Variants in IRAK1BP1 observed in about 807,000 individuals in gnomAD.
The protein encoded by IRAK1BP1 is interleukin-1 receptor-associated kinase 1-binding protein 1.
Under a neutral mutation model 28.0 loss-of-function variants are expected in IRAK1BP1, and 24 were observed. The observed-to-expected ratio is 0.86, with a 90% CI of 0.62 to 1.20. The LOEUF (loss-of-function observed/expected upper bound fraction) is 1.20. Among genes scored for constraint, IRAK1BP1 ranks in the 50% most tolerant of loss-of-function variants. The probability of loss-of-function intolerance (pLI) is 0.00; values close to 1 mark genes in which losing one functional copy is unlikely to be tolerated. For synonymous variants in IRAK1BP1, 131 were observed against 116.3 expected (o/e 1.13, Z -0.81); for missense variants, 336 against 316.7 (o/e 1.06, Z -0.46).
the IRAK1BP1 span, among the ~76,000 whole-genome samples, chr6:78,974,531 C>A: frequency 6.6e-6 from 1 of 151,624 alleles, no homozygotes; most frequent in African/African-American, 2.4e-5. Flanking sequence ...AAGATCAGAG[C>A]AGAACTGAAG....
intron 4 of IRAK1BP1, among the ~76,000 whole-genome samples, chr6:78,916,598 T>G (rs1402594247): frequency 6.6e-6 from 1 of 152,230 alleles, no homozygotes; most frequent in Non-Finnish European, 1.5e-5. Context: ...TAACACCTAG[T>G]GTTTAATTCG....
chr6:78,913,334 C>CA (rs149003513), intron 4 of IRAK1BP1, among the ~76,000 whole-genome samples: 3,970 of 140,260 alleles, frequency 0.028, 77 homozygotes, highest in South Asian at 0.1. Flanking sequence ...GACTCTGTTT[C>CA]AAAAAAAAAA....
the IRAK1BP1 span, chr6:78,955,475 C>A: frequency 3.6e-6 from 2 of 548,020 alleles, no homozygotes; most frequent in South Asian, 6.3e-5. Context: ...TATTCTACTG[C>A]CAGTTGTTTT....
intron 1 of IRAK1BP1, chr6:78,872,262 T>C (rs117907164): frequency 1.9e-4 from 93 of 501,944 alleles, no homozygotes; most frequent in Non-Finnish European, 5.3e-5. Flanking sequence ...CATCCCACTC[T>C]GTTAATGGTG....
chr6:78,973,109 G>GTTA, the IRAK1BP1 span, among the ~76,000 whole-genome samples: 1 of 152,110 alleles, frequency 6.6e-6, no homozygotes, highest in African/African-American at 2.4e-5. Context: ...AGGAAAAAAT[G>GTTA]TTAAGGGCAG....
intron 4 of IRAK1BP1, among the ~76,000 whole-genome samples, chr6:78,944,017 A>T (rs1773663884): frequency 6.9e-6 from 1 of 145,322 alleles, no homozygotes; most frequent in Admixed American, 7.0e-5. Context: ...AAAAAAAGGA[A>T]GTGCTTGATT....
At chr6:78,887,655 G>A (rs1771477934) in intron 2 of IRAK1BP1, among the ~76,000 whole-genome samples, 1 of 152,036 alleles carries the variant, frequency 6.6e-6, no homozygotes, top group Non-Finnish European at 1.5e-5. Context: ...GACAGAGCAA[G>A]ACTCCATCTC....
the IRAK1BP1 span, chr6:78,965,846 GCTT>G: frequency 2.6e-6 from 3 of 1,172,320 alleles, no homozygotes; most frequent in Non-Finnish European, 3.8e-6. Context: ...CAAAATAATT[GCTT>G]CTGTGTTTAA....
In IRAK1BP1 at chr6:78,901,238, ATGT is replaced by A. The variant is rs1285165888; in HGVS notation, c.*2908_*2910del. 7 of 151,984 alleles carry A rather than the reference ATGT, an allele frequency of 4.6e-5. No individual in the cohort carries two copies. The highest frequency in any genetic ancestry group is 1.9e-4 in the East Asian group (1 of 5,178). The allele number at this position is 151,984 out of a possible 1,614,324, so 9.4% of individuals were successfully genotyped here. A position where few individuals can be genotyped will look rare whatever the true frequency, so the allele number is the denominator to read the frequency against. On this transcript the variant is annotated 3_prime_UTR_variant, in exon 4 of 4. Transcript: ENST00000369940. The stretch of plus-strand genomic sequence containing the variant: ...TTAGAATTTCCAGGAACTTTTAAAG[ATGT>A]TGTCTCCAAAAAAAACAAAAAAATC...
At chr6:78,966,475 C>CA in the IRAK1BP1 span, among the ~76,000 whole-genome samples, 3 of 152,138 alleles carry the variant, frequency 2.0e-5, no homozygotes, top group African/African-American at 7.2e-5. Flanking sequence ...AACCAACAAT[C>CA]AATCAAGACT....
chr6:78,867,760 T>A lies in IRAK1BP1; in HGVS notation c.184T>A (p.Ser62Thr), dbSNP rs746414402. Reference sequence around the variant, plus strand: ...GCAAGTAAGCGGCACCTCAGAAGTGTCTGCGGGCCCTGACCGGGCGCAGGT... The same window carrying A: ...GCAAGTAAGCGGCACCTCAGAAGTGACTGCGGGCCCTGACCGGGCGCAGGT... ...EVQVSGTSEV[S>T]AGPDRAQVVV... Residue 62 changes from serine to threonine, a missense_variant, in exon 1 of 4, where the codon TCT becomes ACT. Coordinates refer to ENST00000369940, the MANE Select transcript of IRAK1BP1 (RefSeq NM_001010844.4). The A allele has an allele frequency of 2.4e-5, 38 of 1,614,142 alleles. No homozygotes were observed. Among genetic ancestry groups the A allele is most frequent in the Non-Finnish European group, 3.2e-5 (38 of 1,180,014 alleles).
intron 1 of IRAK1BP1, among the ~76,000 whole-genome samples, chr6:78,881,636 TA>T (rs771523949): frequency 1.2e-4 from 18 of 152,276 alleles, no homozygotes; most frequent in Non-Finnish European, 2.5e-4. Flanking sequence ...CTTAAGGTGA[TA>T]GGGGCAGGGA....
intron 2 of IRAK1BP1, among the ~76,000 whole-genome samples, chr6:78,886,533 A>G (rs1729756003): frequency 6.6e-6 from 1 of 152,190 alleles, no homozygotes; most frequent in African/African-American, 2.4e-5. Context: ...TATCCAAATT[A>G]CAGAGATTAA....
At chr6:78,942,285 C>T (rs941917340) in intron 4 of IRAK1BP1, among the ~76,000 whole-genome samples, 8 of 152,150 alleles carry the variant, frequency 5.3e-5, no homozygotes, top group African/African-American at 1.9e-4. Flanking sequence ...GAGTTCGAGA[C>T]CAGCCTGGCC....
intron 4 of IRAK1BP1, among the ~76,000 whole-genome samples, chr6:78,910,993 C>T (rs1263017455): frequency 6.6e-6 from 1 of 152,220 alleles, no homozygotes; most frequent in Non-Finnish European, 1.5e-5. Flanking sequence ...TTATCTTGTG[C>T]GGTGACGCCC....
At chr6:78,906,095 T>C (rs1772254424), downstream of IRAK1BP1, among the ~76,000 whole-genome samples, 1 of 152,188 alleles carries the variant, frequency 6.6e-6, no homozygotes, top group African/African-American at 2.4e-5. Flanking sequence ...AAATTTAAAA[T>C]TGACTAACAT....
At chr6:78,876,573 A>G (rs188959464) in intron 1 of IRAK1BP1, among the ~76,000 whole-genome samples, 1 of 152,280 alleles carries the variant, frequency 6.6e-6, no homozygotes, top group Non-Finnish European at 1.5e-5. Flanking sequence ...GGCAGTATTA[A>G]CATTATGGAT....
chr6:78,929,709 CT>C (rs994400597), intron 4 of IRAK1BP1, among the ~76,000 whole-genome samples: 2 of 152,024 alleles, frequency 1.3e-5, no homozygotes, highest in African/African-American at 2.4e-5. Context: ...TTTAAAATGG[CT>C]TTTTTTCCTG....
chr6:78,941,966 G>GA (rs374506204), intron 4 of IRAK1BP1, among the ~76,000 whole-genome samples: 1 of 151,946 alleles, frequency 6.6e-6, no homozygotes, highest in Non-Finnish European at 1.5e-5. Context: ...TTCTGTTGTA[G>GA]AAAAAAATGC....
Sources: gnomAD v4.1 joint callset for allele counts (sites outside exome capture counted in the v4.1 genomes callset) on GRCh38, gnomAD v4.1.1 for gene constraint, MANE v1.5 for transcripts, NCBI Gene and HGNC (gene_info 2026-07-23, HGNC 2026-07-21) for gene names.